MTPN: variants seen among roughly 807,000 people sequenced by gnomAD.
MTPN encodes granule cell differentiation protein.
Under a neutral mutation model 13.5 loss-of-function variants are expected in MTPN, and 2 were observed. The observed-to-expected ratio is 0.15, with a 90% CI of 0.06 to 0.47. The LOEUF is 0.47. MTPN is among the 20% of genes least tolerant of loss of function. The pLI is 0.97. For synonymous variants in MTPN, 46 were observed against 51.7 expected (o/e 0.89, Z 0.48); for missense variants, 79 against 137.9 (o/e 0.57, Z 2.14).
chr7:135,945,168 C>T (rs183432739), intron 3 of MTPN, among the ~76,000 whole-genome samples: 1 of 152,242 alleles, frequency 6.6e-6, no homozygotes, highest in South Asian at 2.1e-4. Context: ...ATGAAGCCTG[C>T]AGGACTGGAG....
chr7:135,972,249 ACACACACACACC>A (rs1799708711), intron 1 of MTPN, among the ~76,000 whole-genome samples: 4 of 135,716 alleles, frequency 2.9e-5, no homozygotes, highest in Non-Finnish European at 6.6e-5. Context: ...ACACACACAC[ACACACACACACC>A]CCATGTAGAT....
chr7:135,938,570 C>A (rs2116351525), intron 3 of MTPN, among the ~76,000 whole-genome samples: 1 of 152,270 alleles, frequency 6.6e-6, no homozygotes, highest in East Asian at 1.9e-4. Context: ...CTTTAAAAAA[C>A]CATTGAAACA....
chr7:135,977,254 T>A lies in MTPN; in HGVS notation c.-154A>T. The A allele has an allele frequency of 1.3e-6, 1 of 743,876 alleles. No homozygotes were observed. Among genetic ancestry groups the A allele is most frequent in the South Asian group, 1.6e-5 (1 of 62,972 alleles). The allele number at this position is 743,876 out of a possible 1,614,324, so 46.1% of individuals were successfully genotyped here. On this transcript the variant is annotated 5_prime_UTR_variant, in exon 1 of 4. Transcript: ENST00000393085. ...TTAGGCTGCCAGGCGGGCGAGGCAG[T>A]TGGCCGCGGCGACCGTTCGGGCGGG...
At chr7:135,955,841 TAA>T (rs34554274) in intron 1 of MTPN, among the ~76,000 whole-genome samples, 16,827 of 145,544 alleles carry the variant, frequency 0.12, 1,149 homozygotes, top group East Asian at 0.17. Flanking sequence ...CAATGGATTA[TAA>T]AAAAAAAAAA....
intron 1 of MTPN, among the ~76,000 whole-genome samples, chr7:135,966,833 G>C (rs1799614875): frequency 6.6e-6 from 1 of 152,132 alleles, no homozygotes; most frequent in Non-Finnish European, 1.5e-5. Context: ...ACCAGACCTT[G>C]CCTTTGATCA....
chr7:135,952,355 C>A (rs1336124079), intron 1 of MTPN, among the ~76,000 whole-genome samples: 2 of 152,130 alleles, frequency 1.3e-5, no homozygotes, highest in Non-Finnish European at 2.9e-5. Flanking sequence ...CCAAAAAAGT[C>A]ATTTTCATTC....
chr7:135,961,080 A>C (rs1051091546), intron 1 of MTPN, among the ~76,000 whole-genome samples: 23 of 152,124 alleles, frequency 1.5e-4, no homozygotes, highest in African/African-American at 4.8e-4. Flanking sequence ...TATTCAAATT[A>C]AGAAAACTCA....
intron 1 of MTPN, among the ~76,000 whole-genome samples, chr7:135,959,010 A>T (rs898083638): frequency 6.6e-6 from 1 of 152,200 alleles, no homozygotes; most frequent in Admixed American, 6.5e-5. Flanking sequence ...ATATTTATAA[A>T]ATAAAATCTG....
rs1244485971 is a variant in MTPN at position 135,927,726 on chromosome 7, G to A, written c.*2200C>T. The A allele has an allele frequency of 1.6e-5, 8 of 498,624 alleles. No individual in the cohort carries two copies. In the East Asian group the frequency reaches 1.8e-4, roughly 11 times the overall value. 30.9% of individuals were successfully genotyped at this position (498,624 alleles called of 1,614,324 possible). Reference sequence around the variant, plus strand: ...TTATATGTTATTTTCTCAAGCAATCGCTTCATAATTATAGGGTTTACAAAA... The same window carrying A: ...TTATATGTTATTTTCTCAAGCAATCACTTCATAATTATAGGGTTTACAAAA... On this transcript the variant is annotated 3_prime_UTR_variant, in exon 4 of 4. Coordinates refer to ENST00000393085, the MANE Select transcript of MTPN (RefSeq NM_145808.4).
intron 3 of MTPN, among the ~76,000 whole-genome samples, chr7:135,946,910 ACT>A (rs1799296134): frequency 6.6e-6 from 1 of 151,184 alleles, no homozygotes; most frequent in South Asian, 2.1e-4. Context: ...GCTTCTTCAC[ACT>A]CTCACTCCTC....
intron 3 of MTPN, among the ~76,000 whole-genome samples, chr7:135,935,324 C>T (rs1328610322): frequency 1.3e-5 from 2 of 151,908 alleles, no homozygotes; most frequent in Admixed American, 6.6e-5. Context: ...CTGCAACCTC[C>T]GCCTCTTGGG....
chr7:135,963,171 C>T (rs956223565), intron 1 of MTPN, among the ~76,000 whole-genome samples: 3 of 151,984 alleles, frequency 2.0e-5, no homozygotes, highest in Admixed American at 6.6e-5. Context: ...GTTACAGTTA[C>T]GTATTATCCT....
chr7:135,961,553 C>T (rs1378623629), intron 1 of MTPN, among the ~76,000 whole-genome samples: 2 of 150,436 alleles, frequency 1.3e-5, no homozygotes, highest in East Asian at 2.0e-4. Flanking sequence ...TTTGAGACAA[C>T]GTCTCACTGC....
chr7:135,965,103 T>A (rs1413591177), intron 1 of MTPN, among the ~76,000 whole-genome samples: 2 of 152,100 alleles, frequency 1.3e-5, no homozygotes, highest in African/African-American at 2.4e-5. Context: ...ACAAAAAATG[T>A]CTCCCAACTC....
At chr7:135,964,708 C>T (rs1799577698) in intron 1 of MTPN, among the ~76,000 whole-genome samples, 1 of 152,028 alleles carries the variant, frequency 6.6e-6, no homozygotes, top group African/African-American at 2.4e-5. Flanking sequence ...TCTCTTCTCT[C>T]TATCCACAAG....
chr7:135,966,217 T>A (rs1799601516), intron 1 of MTPN, among the ~76,000 whole-genome samples: 1 of 152,130 alleles, frequency 6.6e-6, no homozygotes, highest in Non-Finnish European at 1.5e-5. Flanking sequence ...TACTTATGAT[T>A]GGGTTACACT....
At chr7:135,964,042 A>G (rs1442696856) in intron 1 of MTPN, among the ~76,000 whole-genome samples, 1 of 152,068 alleles carries the variant, frequency 6.6e-6, no homozygotes, top group Non-Finnish European at 1.5e-5. Context: ...ATCCATTTAA[A>G]ACATTATAAT....
At chr7:135,968,494 C>CA (rs2116405387) in intron 1 of MTPN, among the ~76,000 whole-genome samples, 1 of 151,970 alleles carries the variant, frequency 6.6e-6, no homozygotes, top group African/African-American at 2.4e-5. Context: ...GATATAGCTG[C>CA]AAAAAAATTA....
intron 1 of MTPN, among the ~76,000 whole-genome samples, chr7:135,963,438 T>A (rs1380951718): frequency 6.6e-6 from 1 of 151,922 alleles, no homozygotes. Context: ...AACACAGCAA[T>A]GGGTTTATAT....
Sources: allele counts gnomAD v4.1 joint callset (sites outside exome capture counted in the v4.1 genomes callset), GRCh38; gene constraint gnomAD v4.1.1; transcripts MANE v1.5; gene names NCBI Gene and HGNC (gene_info 2026-07-23, HGNC 2026-07-21).